MGAT3: variants seen among roughly 807,000 people sequenced by gnomAD.
MGAT3 encodes the protein GlcNAc-T III.
In MGAT3, 9 loss-of-function variants were observed where a neutral mutation model predicts 29.8. The observed-to-expected ratio is 0.30, with a 90% CI of 0.18 to 0.53. The LOEUF (loss-of-function observed/expected upper bound fraction) is 0.53, where lower values mean the gene tolerates loss of function less well. Among genes scored for constraint, MGAT3 ranks in the 20% least tolerant of loss-of-function variants. MGAT3 has a pLI of 0.96. For missense variants in MGAT3, 557 were observed against 769.5 expected (o/e 0.72, Z 3.27); for synonymous variants, 397 against 348.9 (o/e 1.14, Z -1.54).
intron 1 of MGAT3, among the ~76,000 whole-genome samples, chr22:39,459,234 C>A (rs557540792): frequency 6.6e-6 from 1 of 152,004 alleles, no homozygotes; most frequent in Non-Finnish European, 1.5e-5. Flanking sequence ...ACACCACACC[C>A]GGCTAATTTT....
chr22:39,470,413 T>C (rs1217428736), intron 1 of MGAT3, among the ~76,000 whole-genome samples: 1 of 152,060 alleles, frequency 6.6e-6, no homozygotes, highest in African/African-American at 2.4e-5. Context: ...GGAGTGTGGC[T>C]GGAGCCTGGG....
chr22:39,476,486 G>A (rs1178239395), intron 1 of MGAT3: 1 of 152,324 alleles, frequency 6.6e-6, no homozygotes, highest in Non-Finnish European at 1.5e-5. Flanking sequence ...GATTTGCAAG[G>A]ATTTGACTCT....
intron 1 of MGAT3, chr22:39,477,440 G>A (rs1928997398): frequency 6.6e-6 from 1 of 152,114 alleles, no homozygotes; most frequent in Admixed American, 6.5e-5. Flanking sequence ...CTTAACAAAG[G>A]TGTCTTTGTT....
At chr22:39,486,410 T>C (rs1929274782) in intron 1 of MGAT3, among the ~76,000 whole-genome samples, 1 of 152,234 alleles carries the variant, frequency 6.6e-6, no homozygotes, top group Admixed American at 6.5e-5. Flanking sequence ...CCCAAAGTGC[T>C]GGGATTATAG....
intron 1 of MGAT3, among the ~76,000 whole-genome samples, chr22:39,465,732 G>A (rs1489074206): frequency 6.6e-6 from 1 of 152,066 alleles, no homozygotes. Context: ...AGGTGTTCAA[G>A]ACCAGCCTGG....
At chr22:39,477,851 G>A (rs868043631) in intron 1 of MGAT3, 1 of 152,224 alleles carries the variant, frequency 6.6e-6, no homozygotes, top group Admixed American at 6.5e-5. Flanking sequence ...AGCTTTTTGC[G>A]GGGATTAACT....
At chr22:39,462,274 GC>G (rs1190727815) in intron 1 of MGAT3, among the ~76,000 whole-genome samples, 1 of 152,236 alleles carries the variant, frequency 6.6e-6, no homozygotes, top group Non-Finnish European at 1.5e-5. Context: ...TGGTGTTCTT[GC>G]TGTCAGCTCC....
At position 39,488,408 on chromosome 22, in the gene MGAT3, A is replaced by G; in HGVS notation, c.1061A>G (p.Lys354Arg). 1 of 1,612,858 alleles carries G rather than the reference A, an allele frequency of 6.2e-7. No individual in the cohort carries two copies. The highest frequency in any genetic ancestry group is 8.5e-7 in the Non-Finnish European group (1 of 1,180,010). The change falls in exon 2 of 2, where the codon AAG becomes AGG. Residue 354 changes from lysine (K) to arginine (R), a missense_variant. Physicochemically the swap from Lys to Arg is conservative, Grantham distance 26 (BLOSUM62 2). This residue lies in a region of MGAT3 where 243 missense variants were observed against 444.0 expected (regional missense o/e 0.55). Coordinates refer to ENST00000341184, the MANE Select transcript of MGAT3 (RefSeq NM_002409.5). Reference sequence around the variant, plus strand: ...AAGTCGCTCTACGGCTTCTTCTGGAAGCAGCCGGGCACCCTGGAGGTGGTG... The same window carrying G: ...AAGTCGCTCTACGGCTTCTTCTGGAGGCAGCCGGGCACCCTGGAGGTGGTG... ...MRKSLYGFFWKQPGTLEVVSG... is the reference protein window; with the variant it reads ...MRKSLYGFFWRQPGTLEVVSG...
intron 1 of MGAT3, among the ~76,000 whole-genome samples, chr22:39,462,993 C>T (rs1454924294): frequency 2.6e-5 from 4 of 152,118 alleles, no homozygotes; most frequent in Non-Finnish European, 5.9e-5. Context: ...CTGGGCAGGC[C>T]AGGAACTTCC....
At chr22:39,481,416 A>C (rs1464338969) in intron 1 of MGAT3, among the ~76,000 whole-genome samples, 2 of 152,200 alleles carry the variant, frequency 1.3e-5, no homozygotes, top group Non-Finnish European at 2.9e-5. Context: ...TTTGTAGTTT[A>C]CGCAGGCTCC....
chr22:39,471,932 C>A (rs1420135397), intron 1 of MGAT3, among the ~76,000 whole-genome samples: 1 of 152,142 alleles, frequency 6.6e-6, no homozygotes, highest in Non-Finnish European at 1.5e-5. Context: ...GAGGGCAGCC[C>A]CCCAGGGAAG....
At chr22:39,463,942 G>T (rs1038881517) in intron 1 of MGAT3, among the ~76,000 whole-genome samples, 1 of 151,312 alleles carries the variant, frequency 6.6e-6, no homozygotes, top group African/African-American at 2.4e-5. Flanking sequence ...AAAAAATGCT[G>T]CCCTGAGGAT....
intron 1 of MGAT3, among the ~76,000 whole-genome samples, chr22:39,467,170 G>A (rs1928672447): frequency 6.6e-6 from 1 of 152,226 alleles, no homozygotes; most frequent in Non-Finnish European, 1.5e-5. Context: ...TGCATTCCTG[G>A]TTAATTCAGC....
In MGAT3 at chr22:39,488,934, C is replaced by A. The variant is rs1298319779; in HGVS notation, c.1587C>A (p.Asp529Glu). 6.2e-7 allele frequency: 1 copy of A among 1,605,472 alleles called. No homozygotes were observed. The highest frequency in any genetic ancestry group is 2.2e-5 in the East Asian group (1 of 44,544). ...GGCCGCCCGCCCGGGGCAAACTGGA[C>A]GAGGCGGAAGTCTAGAGCTGCATGA... ...EGRPPARGKLDEAEV is the reference protein window; with the variant it reads ...EGRPPARGKLEEAEV Residue 529 changes from aspartate to glutamate, a missense_variant, in exon 2 of 2, where the codon GAC becomes GAA. Coordinates refer to ENST00000341184, the MANE Select transcript of MGAT3 (RefSeq NM_002409.5).
chr22:39,475,271 TCCC>T (rs1260004102), intron 1 of MGAT3, among the ~76,000 whole-genome samples: 1 of 151,742 alleles, frequency 6.6e-6, no homozygotes, highest in African/African-American at 2.4e-5. Context: ...TTGTTTTCTC[TCCC>T]CCTTCACTCC....
In MGAT3 at chr22:39,488,831, A is replaced by C; in HGVS notation, c.1484A>C (p.His495Pro). The change falls in exon 2 of 2, where the codon CAC (histidine) becomes CCC (proline). Residue 495 changes from histidine to proline, a missense_variant. Transcript: ENST00000341184. ...KYLLKNYDRF[H>P]YLLDNPYQEP... ...CTGCTGAAGAACTACGACCGGTTCC[A>C]CTACCTGCTGGACAACCCCTACCAG... The C allele has an allele frequency of 6.2e-7, 1 of 1,609,286 alleles. No individual in the cohort carries two copies. Among genetic ancestry groups the C allele is most frequent in the Non-Finnish European group, 8.5e-7 (1 of 1,177,892 alleles).
intron 1 of MGAT3, among the ~76,000 whole-genome samples, chr22:39,485,831 T>C (rs2145726471): frequency 6.6e-6 from 1 of 152,198 alleles, no homozygotes; most frequent in African/African-American, 2.4e-5. Context: ...AAAATTTAAA[T>C]TGGAGAATGA....
At chr22:39,473,144 CG>C (rs1256105767) in intron 1 of MGAT3, among the ~76,000 whole-genome samples, 2 of 152,170 alleles carry the variant, frequency 1.3e-5, no homozygotes, top group Non-Finnish European at 2.9e-5. Flanking sequence ...GGGCGGCTCT[CG>C]GGGAGGCCTC....
intron 1 of MGAT3, among the ~76,000 whole-genome samples, chr22:39,483,777 C>A (rs1406705290): frequency 6.6e-6 from 1 of 152,222 alleles, no homozygotes; most frequent in Non-Finnish European, 1.5e-5. Context: ...CAAGGAGCAG[C>A]CCCTCCTTCC....
Sources: gnomAD v4.1 joint callset for allele counts (sites outside exome capture counted in the v4.1 genomes callset) on GRCh38, gnomAD v4.1.1 for gene constraint, gnomAD v4.1.1 regional missense constraint, MANE v1.5 for transcripts, NCBI Gene and HGNC (gene_info 2026-07-23, HGNC 2026-07-21) for gene names.